The following RPS6KA4 variants were observed in gnomAD, a reference collection of about 807,000 sequenced individuals.
RPS6KA4 encodes the protein ribosomal protein S6 kinase A4, also known as ribosomal protein S6 kinase alpha-4.
A neutral mutation model predicts 89.6 loss-of-function variants in RPS6KA4; 38 were observed. That is an observed-to-expected ratio of 0.42 (90% confidence interval 0.33 to 0.56). The LOEUF is 0.56. Ranked by LOEUF, RPS6KA4 falls within the 20% of genes least tolerant of loss-of-function variation. RPS6KA4 has a pLI of 0.07. For missense variants in RPS6KA4, 873 were observed against 1,098.8 expected (o/e 0.79, Z 2.90); for synonymous variants, 495 against 492.8 (o/e 1.00, Z -0.06).
chr11:64,369,970 A>G, intron 14 of RPS6KA4, 77 bp downstream of exon 14: 1 of 1,374,190 alleles, frequency 7.3e-7, no homozygotes, highest in South Asian at 1.5e-5. Flanking sequence ...AGCACGAGGG[A>G]GGGGACAGGG....
chr11:64,360,399 C>T lies in RPS6KA4; in HGVS notation c.346+18C>T, dbSNP rs185530607. On this transcript the variant is annotated intron_variant, in intron 3 of 16. Transcript: ENST00000334205. ...CATCCTGGGTGAGCGCACACCACAT[C>T]CCAACGGGGTTGGGGTGGCTGGGGG... The T allele has an allele frequency of 1.8e-3, 2,870 of 1,556,908 alleles. 21 individuals carry two copies. In the Middle Eastern group the frequency reaches 0.021, roughly 12 times the overall value.
At chr11:64,368,071 C>A (rs1272471780) in intron 9 of RPS6KA4, 61 bp from the exon 10 acceptor site, 1 of 651,244 alleles carries the variant, frequency 1.5e-6, no homozygotes. Context: ...CCACCAGAGT[C>A]TCCTCACCCG....
At position 64,359,246 on chromosome 11, in the gene RPS6KA4, A is replaced by T. The variant is rs777596426; in HGVS notation, c.11A>T (p.Glu4Val). 2.8e-6 allele frequency: 4 copies of T among 1,419,616 alleles called. No homozygotes were observed. The African/African-American group carries it at 5.9e-5, about 21-fold the overall frequency. 87.9% of individuals were successfully genotyped at this position (1,419,616 alleles called of 1,614,324 possible). MGDEDDDESCAVEL... is the reference protein window; with the variant it reads MGDVDDDESCAVEL... ...AGCGACCCGCCCGCCATGGGGGACG[A>T]GGACGACGATGAGAGCTGCGCCGTG... Residue 4 changes from glutamate to valine, a missense_variant, in exon 1 of 17, where the codon GAG (glutamate) becomes GTG (valine). This residue lies in a region of RPS6KA4 where 49 missense variants were observed against 51.9 expected (regional missense o/e 0.94). Coordinates refer to ENST00000334205, the MANE Select transcript of RPS6KA4 (RefSeq NM_003942.3).
intron 9 of RPS6KA4, among the ~76,000 whole-genome samples, chr11:64,366,979 C>T (rs1209397388): frequency 1.3e-5 from 2 of 152,128 alleles, no homozygotes; most frequent in Non-Finnish European, 2.9e-5. Context: ...TGTCTCACAG[C>T]CCTCATGATA....
At position 64,369,435 on chromosome 11, in the gene RPS6KA4, G is replaced by C. The variant is rs773408350; in HGVS notation, c.1429-11G>C. On this transcript the variant is annotated splice_polypyrimidine_tract_variant and intron_variant, in intron 12 of 16. Coordinates refer to ENST00000334205, the MANE Select transcript of RPS6KA4 (RefSeq NM_003942.3). The stretch of plus-strand genomic sequence containing the variant: ...GTGGGTGTTGACCTTGGCCCGCCAC[G>C]CCGCCCGCAGCTGCACACGTACCTG... The C allele has an allele frequency of 7.3e-5, 116 of 1,580,984 alleles. No homozygotes were observed. In the Admixed American group the frequency reaches 2.0e-3, roughly 27 times the overall value.
intron 8 of RPS6KA4, among the ~76,000 whole-genome samples, chr11:64,362,294 CCG>C (rs2036775525): frequency 6.6e-6 from 1 of 152,242 alleles, no homozygotes; most frequent in African/African-American, 2.4e-5. Context: ...TGACCTGCCC[CCG>C]ACGGCACAGT....
In RPS6KA4 at chr11:64,361,875, C is replaced by T. The variant is rs2036762292; in HGVS notation, c.779C>T (p.Pro260Leu). ...VSRRILKCSP[P>L]FPPRIGPVAQ... ...AGACGGATCCTGAAGTGCTCCCCTC[C>T]CTTCCCCCCTCGGATCGGGCCCGTG... The change falls in exon 8 of 17, where the codon CCC (proline) becomes CTC (leucine). Residue 260 changes from proline (P) to leucine (L), a missense_variant. Physicochemically the swap from Pro to Leu is moderately conservative, Grantham distance 98 (BLOSUM62 -3). This residue lies in a region of RPS6KA4 where 542 missense variants were observed against 736.4 expected (regional missense o/e 0.74). Coordinates refer to ENST00000334205, the MANE Select transcript of RPS6KA4 (RefSeq NM_003942.3). The surrounding 1 kb of genome is among the most constrained non-coding windows in gnomAD (Gnocchi z 4.7). The T allele has an allele frequency of 1.2e-6, 2 of 1,612,868 alleles. No homozygotes were observed. Among genetic ancestry groups the T allele is most frequent in the Non-Finnish European group, 1.7e-6 (2 of 1,179,842 alleles).
chr11:64,367,420 C>T (rs1231807732), intron 9 of RPS6KA4, among the ~76,000 whole-genome samples: 2 of 152,356 alleles, frequency 1.3e-5, no homozygotes, highest in East Asian at 1.9e-4. Context: ...AAGCGATTCT[C>T]GTGCCTCAGC....
Position 64,370,425 on chromosome 11 carries a change from A to ACGCTGGGACAGGGATGGT in RPS6KA4, c.1957+43_1957+60dup, listed in dbSNP as rs2037029818. On this transcript the variant is annotated intron_variant, in intron 15 of 16. Transcript: ENST00000334205. This position sits in a 1 kb window ranked among gnomAD's most constrained non-coding sequence, Gnocchi z 4.1. ...TCATAGACCATGGTTGGGGAGGGGG[A>ACGCTGGGACAGGGATGGT]CGCTGGGACAGGGATGGTCACTGGG... 1.2e-6 allele frequency: 2 copies of ACGCTGGGACAGGGATGGT among 1,606,698 alleles called. No homozygotes were observed. The highest frequency in any genetic ancestry group is 1.7e-6 in the Non-Finnish European group (2 of 1,177,668).
intron 12 of RPS6KA4, among the ~76,000 whole-genome samples, chr11:64,369,124 C>T (rs2036977830): frequency 6.6e-6 from 1 of 151,992 alleles, no homozygotes; most frequent in Non-Finnish European, 1.5e-5. Context: ...AACCCCGTCT[C>T]TACGAAAAAT....
chr11:64,365,393 G>A lies in RPS6KA4; in HGVS notation c.999G>A (p.Glu333=). The A allele has an allele frequency of 6.2e-7, 1 of 1,614,124 alleles. No homozygotes were observed. The highest frequency in any genetic ancestry group is 8.5e-7 in the Non-Finnish European group (1 of 1,180,032). Residue 333 remains glutamate (E), a synonymous_variant, in exon 9 of 17, where the codon GAG becomes GAA. Coordinates refer to ENST00000334205, the MANE Select transcript of RPS6KA4 (RefSeq NM_003942.3). ...RSELDVGNFA[E]EFTRLEPVYS... ...AGCTGGATGTGGGCAACTTTGCGGAGGAATTCACTCGGCTGGAGCCTGTCT... is the reference window on the plus strand; with the variant it reads ...AGCTGGATGTGGGCAACTTTGCGGAAGAATTCACTCGGCTGGAGCCTGTCT...
At position 64,371,238 on chromosome 11, in the gene RPS6KA4, G is replaced by A. The variant is rs138662282; in HGVS notation, c.2122-45G>A. 6,706 of 1,585,176 alleles carry A rather than the reference G, an allele frequency of 4.2e-3. 22 individuals carry two copies. The highest frequency in any genetic ancestry group is 4.9e-3 in the Non-Finnish European group (5,638 of 1,157,428). The stretch of plus-strand genomic sequence containing the variant: ...GGAGGTCAAACTAGATCTGGAAGCC[G>A]GGGTCAGGCGGGGGTGGGGGCACTC... On this transcript the variant is annotated intron_variant, in intron 16 of 16. Transcript: ENST00000334205.
chr11:64,360,741 G>A, intron 4 of RPS6KA4, 149 bp downstream of exon 4: 1 of 689,890 alleles, frequency 1.4e-6, no homozygotes. Context: ...GCTTCCCCTG[G>A]ACCCCTTGCA....
Position 64,372,080 on chromosome 11 carries a change from C to T in RPS6KA4, c.*600C>T, listed in dbSNP as rs559931403. ...GAGGCCATCTTCTCACCCACCCCTT[C>T]CTCTTTGGCACAGCTACTCCTGGCT... is the stretch of plus-strand genomic sequence containing the variant. On this transcript the variant is annotated 3_prime_UTR_variant, in exon 17 of 17. Transcript: ENST00000334205. 2.6e-5 allele frequency: 4 copies of T among 152,824 alleles called. No individual in the cohort carries two copies. The highest frequency in any genetic ancestry group is 7.2e-5 in the African/African-American group (3 of 41,586). The allele number at this position is 152,824 out of a possible 1,614,324, so 9.5% of individuals were successfully genotyped here.
chr11:64,360,624 A>G (rs752188745), intron 4 of RPS6KA4, 32 bp downstream of exon 4: 4 of 1,543,270 alleles, frequency 2.6e-6, no homozygotes, highest in African/African-American at 2.7e-5. Context: ...GGCTGTTGCT[A>G]TGGAAACTGG....
rs758230491 is a variant in RPS6KA4 at position 64,369,722 on chromosome 11, G to A, written c.1626G>A (p.Thr542=). 10 of 1,610,382 alleles carry A rather than the reference G, an allele frequency of 6.2e-6. No individual in the cohort carries two copies. The highest frequency in any genetic ancestry group is 4.4e-5 in the South Asian group (4 of 90,922). ...AGAACATCCTGTACGCCGACGACAC[G>A]CCCGGGGCCCCGGTGAAAATCATCG... ...KPENILYADD[T]PGAPVKIIDF... The change falls in exon 14 of 17, where the codon ACG becomes ACA. Residue 542 remains threonine, a synonymous_variant. Coordinates refer to ENST00000334205, the MANE Select transcript of RPS6KA4 (RefSeq NM_003942.3).
At chr11:64,366,169 ATT>A (rs58025633) in intron 9 of RPS6KA4, among the ~76,000 whole-genome samples, 111,077 of 127,536 alleles carry the variant, frequency 0.87, 49,200 homozygotes, top group Non-Finnish European at 0.96. Flanking sequence ...CCTCCACCGA[ATT>A]TTTTTTTTTT....
In RPS6KA4 at chr11:64,370,560, C is replaced by T; in HGVS notation, c.1958-3C>T. On this transcript the variant is annotated splice_polypyrimidine_tract_variant and splice_region_variant and intron_variant, in intron 15 of 16. Coordinates refer to ENST00000334205, the MANE Select transcript of RPS6KA4 (RefSeq NM_003942.3). This position sits in a 1 kb window ranked among gnomAD's most constrained non-coding sequence, Gnocchi z 4.1. The stretch of plus-strand genomic sequence containing the variant: ...TCCCCACACTTCCTTGCCCCGCCTC[C>T]AGGGCTCCTGACCGTGGACCCCGCC... 6.3e-7 allele frequency: 1 copy of T among 1,593,166 alleles called. No individual in the cohort carries two copies. Among genetic ancestry groups the T allele is most frequent in the Non-Finnish European group, 8.5e-7 (1 of 1,175,688 alleles).
At position 64,361,083 on chromosome 11, in the gene RPS6KA4, C is replaced by G; in HGVS notation, c.463-51C>G. 1 of 1,511,572 alleles carries G rather than the reference C, an allele frequency of 6.6e-7. No homozygotes were observed. Among genetic ancestry groups the G allele is most frequent in the Non-Finnish European group, 9.1e-7 (1 of 1,095,232 alleles). The allele number at this position is 1,511,572 out of a possible 1,614,324, so 93.6% of individuals were successfully genotyped here. A position where few individuals can be genotyped will look rare whatever the true frequency, so the allele number is the denominator to read the frequency against. On this transcript the variant is annotated intron_variant, in intron 4 of 16. Coordinates refer to ENST00000334205, the MANE Select transcript of RPS6KA4 (RefSeq NM_003942.3). This position sits in a 1 kb window ranked among gnomAD's most constrained non-coding sequence, Gnocchi z 4.7. ...TGAGCAGGGCCAGGAGCTGGAGGAGCTGGGGAGGGTTTCGGGGAGGAAGCC... is the reference window on the plus strand; with the variant it reads ...TGAGCAGGGCCAGGAGCTGGAGGAGGTGGGGAGGGTTTCGGGGAGGAAGCC...
Sources: gnomAD v4.1 joint callset for allele counts (sites outside exome capture counted in the v4.1 genomes callset) on GRCh38, gnomAD v4.1.1 for gene constraint, gnomAD v4.1.1 regional missense constraint, Gnocchi (gnomAD v3.1) non-coding constraint, MANE v1.5 for transcripts, NCBI Gene and HGNC (gene_info 2026-07-23, HGNC 2026-07-21) for gene names.